The following CHMP3 variants were observed in gnomAD, a reference collection of about 807,000 sequenced individuals.
The protein encoded by CHMP3 is charged multivesicular body protein 3.
Under a neutral mutation model 27.4 loss-of-function variants are expected in CHMP3, and 8 were observed. The observed-to-expected ratio is 0.29, with a 90% CI of 0.17 to 0.53. CHMP3 has a LOEUF of 0.53. Ranked by LOEUF, CHMP3 falls within the 20% of genes least tolerant of loss-of-function variation. The probability of loss-of-function intolerance (pLI) is 0.96; values close to 1 mark genes in which losing one functional copy is unlikely to be tolerated. For synonymous variants in CHMP3, 86 were observed against 85.5 expected, an observed-to-expected ratio of 1.01 and a Z score of -0.03; for missense variants, 208 against 271.5, an observed-to-expected ratio of 0.77 and a Z score of 1.64.
At chr2:86,511,146 AT>A (rs1450145606) in intron 3 of CHMP3, 2 of 152,174 alleles carry the variant, frequency 1.3e-5, no homozygotes, top group African/African-American at 2.4e-5. Flanking sequence ...CTGTTTTGGA[AT>A]TTCATGAGAC....
At chr2:86,546,103 G>A (rs1334151944) in intron 1 of CHMP3, among the ~76,000 whole-genome samples, 3 of 152,224 alleles carry the variant, frequency 2.0e-5, no homozygotes, top group Admixed American at 6.5e-5. Flanking sequence ...GACTCCGTCT[G>A]CAATCCCAGC....
rs1020380191 is a variant in CHMP3 at position 86,512,584 on chromosome 2, A to G, written c.287-2105T>C. 2.0e-5 allele frequency: 3 copies of G among 152,190 alleles called. No individual in the cohort carries two copies. In the East Asian group the frequency reaches 5.8e-4, roughly 29 times the overall value. 9.4% of individuals were successfully genotyped at this position (152,190 alleles called of 1,614,324 possible). A position where few individuals can be genotyped will look rare whatever the true frequency, so the allele number is the denominator to read the frequency against. On this transcript the variant is annotated intron_variant, in intron 3 of 5. Coordinates refer to ENST00000263856, the MANE Select transcript of CHMP3 (RefSeq NM_016079.4). ...ATAGCCACACCTTCAAAAGAATGAAAAGGCAAGCCCCAAGCTGCAGGAAAA... is the reference window on the plus strand; with the variant it reads ...ATAGCCACACCTTCAAAAGAATGAAGAGGCAAGCCCCAAGCTGCAGGAAAA...
intron 3 of CHMP3, among the ~76,000 whole-genome samples, chr2:86,525,601 C>A (rs933384457): frequency 1.3e-5 from 2 of 151,276 alleles, no homozygotes; most frequent in African/African-American, 4.9e-5. Flanking sequence ...GACATTTACA[C>A]AGTAAGTTGG....
intron 1 of CHMP3, among the ~76,000 whole-genome samples, chr2:86,559,537 G>A (rs917482708): frequency 6.6e-6 from 1 of 152,208 alleles, no homozygotes; most frequent in Non-Finnish European, 1.5e-5. Flanking sequence ...TTGAATTACA[G>A]ACTAATGCTA....
chr2:86,509,436 T>G (rs1675013540), intron 4 of CHMP3, among the ~76,000 whole-genome samples: 2 of 152,206 alleles, frequency 1.3e-5, no homozygotes, highest in South Asian at 4.1e-4. Flanking sequence ...TGCAATTTTC[T>G]TTTCCAGCCC....
chr2:86,536,954 A>G (rs541812580), intron 2 of CHMP3, among the ~76,000 whole-genome samples: 2 of 151,946 alleles, frequency 1.3e-5, no homozygotes, highest in East Asian at 3.9e-4. Context: ...GTGCAATGGC[A>G]TGATCATGGC....
At chr2:86,542,525 G>A (rs1011729852) in intron 1 of CHMP3, among the ~76,000 whole-genome samples, 8 of 152,040 alleles carry the variant, frequency 5.3e-5, no homozygotes, top group East Asian at 1.9e-4. Flanking sequence ...TCAAAGATTC[G>A]TAGCCGAGGG....
At chr2:86,529,501 TA>T (rs1675832982) in intron 2 of CHMP3, 104 bp from the exon 3 acceptor site, 1 of 1,061,382 alleles carries the variant, frequency 9.4e-7, no homozygotes, top group Admixed American at 3.7e-5. Flanking sequence ...TAGAAAAACA[TA>T]TAGAAGGATA....
intron 1 of CHMP3, among the ~76,000 whole-genome samples, chr2:86,547,496 C>T (rs1055251517): frequency 5.3e-5 from 8 of 152,156 alleles, no homozygotes; most frequent in South Asian, 2.1e-4. Flanking sequence ...GTCATGTCTC[C>T]GACCAGTGCT....
chr2:86,560,645 G>A (rs1573314739), intron 1 of CHMP3, among the ~76,000 whole-genome samples: 1 of 151,718 alleles, frequency 6.6e-6, no homozygotes, highest in East Asian at 1.9e-4. Flanking sequence ...ACCACAGCAC[G>A]TGTATATATG....
chr2:86,542,052 A>G (rs1290123226), intron 2 of CHMP3, among the ~76,000 whole-genome samples, 200 bp downstream of exon 2: 1 of 152,154 alleles, frequency 6.6e-6, no homozygotes, highest in Non-Finnish European at 1.5e-5. Context: ...TTGCTCTTCC[A>G]AAATATAAAG....
At chr2:86,550,430 G>A (rs1303038978) in intron 1 of CHMP3, among the ~76,000 whole-genome samples, 4 of 151,584 alleles carry the variant, frequency 2.6e-5, no homozygotes, top group Admixed American at 1.3e-4. Flanking sequence ...GAGGGAGAAA[G>A]GGAGAGGGAG....
chr2:86,506,136 A>C (rs1244336437), intron 5 of CHMP3, among the ~76,000 whole-genome samples, 187 bp from the exon 6 acceptor site: 11 of 152,234 alleles, frequency 7.2e-5, no homozygotes, highest in Non-Finnish European at 7.3e-5. Context: ...TACCAAAGTC[A>C]TAATAATTGT....
intron 3 of CHMP3, 153 bp from the exon 4 acceptor site, chr2:86,510,632 A>G: frequency 9.1e-7 from 1 of 1,098,104 alleles, no homozygotes; most frequent in South Asian, 1.6e-5. Context: ...CTAGTTGACC[A>G]AGAGATTGAC....
chr2:86,519,095 C>T lies in CHMP3; in HGVS notation c.287-8616G>A, dbSNP rs185320926. On this transcript the variant is annotated intron_variant, in intron 3 of 5. Transcript: ENST00000263856. ...CCACCATAAAAAAGCAAAGGAGGGCCGGGCACGGTGGCTCACGCCTGTAAT... is the reference window on the plus strand; with the variant it reads ...CCACCATAAAAAAGCAAAGGAGGGCTGGGCACGGTGGCTCACGCCTGTAAT... Among the ~76,000 whole-genome samples the T allele has an allele frequency of 7.3e-3, 1,118 of 152,200 alleles. 6 individuals are homozygous for T. The highest frequency in any genetic ancestry group is 0.012 in the Non-Finnish European group (783 of 67,994).
At chr2:86,542,633 A>G (rs777996784) in intron 1 of CHMP3, among the ~76,000 whole-genome samples, 1 of 152,222 alleles carries the variant, frequency 6.6e-6, no homozygotes, top group African/African-American at 2.4e-5. Flanking sequence ...AGTTAGCTTT[A>G]AGAGCATCAG....
At chr2:86,543,474 T>C (rs1227295169) in intron 1 of CHMP3, among the ~76,000 whole-genome samples, 1 of 152,186 alleles carries the variant, frequency 6.6e-6, no homozygotes, top group Non-Finnish European at 1.5e-5. Flanking sequence ...CCTTGCTTGC[T>C]CAAAGGCACT....
chr2:86,534,496 T>C (rs973769830), intron 2 of CHMP3, among the ~76,000 whole-genome samples: 6 of 152,042 alleles, frequency 3.9e-5, no homozygotes, highest in African/African-American at 1.4e-4. Context: ...GCACTCTGCC[T>C]TCGTTCTTCA....
intron 1 of CHMP3, among the ~76,000 whole-genome samples, chr2:86,560,620 T>C (rs1319022610): frequency 6.6e-6 from 1 of 151,458 alleles, no homozygotes; most frequent in African/African-American, 2.4e-5. Context: ...GACCAGTTGA[T>C]GGGTGCAGCA....
Sources: allele counts gnomAD v4.1 joint callset (sites outside exome capture counted in the v4.1 genomes callset), GRCh38; gene constraint gnomAD v4.1.1; transcripts MANE v1.5; gene names NCBI Gene and HGNC (gene_info 2026-07-23, HGNC 2026-07-21).